The following MAP2 variants were observed in gnomAD, a reference collection of about 807,000 sequenced individuals.
MAP2 encodes the protein microtubule associated protein 2.
MAP2 carries 14 observed loss-of-function variants against 137.6 expected under a neutral mutation model. That is an observed-to-expected ratio of 0.10 (90% CI 0.07 to 0.16). MAP2 has a LOEUF of 0.16. Ranked by LOEUF, MAP2 falls within the 10% of genes least tolerant of loss-of-function variation. MAP2 has a pLI of 1.00. For synonymous variants in MAP2, 786 were observed against 782.3 expected (o/e 1.00, Z -0.08); for missense variants, 2,088 against 2,191.5 (o/e 0.95, Z 0.94).
chr2:209,719,606 A>G lies in MAP2; in HGVS notation c.5074-6103A>G, dbSNP rs188930163. On this transcript the variant is annotated intron_variant, in intron 13 of 15. Coordinates refer to ENST00000682079, the MANE Select transcript of MAP2 (RefSeq NM_001375505.1). ...CTGTTTTAGGGGAACAGGTTAATTT[A>G]TTGAAAGAAACAATTAAATATATGC... is the stretch of plus-strand genomic sequence containing the variant. Among the ~76,000 whole-genome samples the G allele has an allele frequency of 5.9e-5, 9 of 152,300 alleles. No homozygotes were observed. In the East Asian group the frequency reaches 1.7e-3, roughly 29 times the overall value.
At chr2:209,645,753 C>G (rs1292040456) in intron 4 of MAP2, among the ~76,000 whole-genome samples, 1 of 152,098 alleles carries the variant, frequency 6.6e-6, no homozygotes, top group Admixed American at 6.6e-5. Flanking sequence ...GATTTGATAA[C>G]TTTCACAATT....
chr2:209,639,254 A>C (rs1030304179), intron 4 of MAP2, among the ~76,000 whole-genome samples: 2 of 152,164 alleles, frequency 1.3e-5, no homozygotes, highest in African/African-American at 2.4e-5. Context: ...TAATAATGTC[A>C]ATACCCATCA....
chr2:209,430,408 G>A (rs1417181860), intron 1 of MAP2, among the ~76,000 whole-genome samples: 4 of 151,832 alleles, frequency 2.6e-5, no homozygotes, highest in Non-Finnish European at 5.9e-5. Context: ...TTCTAAGATA[G>A]AGTTAGACTT....
In MAP2 at chr2:209,649,170, C is replaced by A. The variant is rs1028851786; in HGVS notation, c.-29-3972C>A. 6.6e-5 allele frequency among the ~76,000 whole-genome samples: 10 copies of A among 150,894 alleles called. 1 individual carries two copies. Among genetic ancestry groups the A allele is most frequent in the Admixed American group, 2.6e-4 (4 of 15,192 alleles). Reference sequence around the variant, plus strand: ...CACCTCAGCCTCCTAAATAGCTGCACCCAGCTAATTAAAAAAAAATTTTTT... The same window carrying A: ...CACCTCAGCCTCCTAAATAGCTGCAACCAGCTAATTAAAAAAAAATTTTTT... On this transcript the variant is annotated intron_variant, in intron 4 of 15. Coordinates refer to ENST00000682079, the MANE Select transcript of MAP2 (RefSeq NM_001375505.1).
chr2:209,437,243 T>G (rs766045318), intron 1 of MAP2, among the ~76,000 whole-genome samples: 1 of 151,676 alleles, frequency 6.6e-6, no homozygotes, highest in Non-Finnish European at 1.5e-5. Context: ...CACAAATGTC[T>G]TTTAAACAGT....
At chr2:209,578,132 C>T (rs181949215) in intron 2 of MAP2, among the ~76,000 whole-genome samples, 1 of 152,124 alleles carries the variant, frequency 6.6e-6, no homozygotes, top group East Asian at 1.9e-4. Context: ...GGAAACGCTG[C>T]GGGTGCCTGG....
At chr2:209,591,576 T>A (rs2079262176) in intron 3 of MAP2, among the ~76,000 whole-genome samples, 1 of 152,194 alleles carries the variant, frequency 6.6e-6, no homozygotes, top group Non-Finnish European at 1.5e-5. Flanking sequence ...TAACACCTAC[T>A]TATGGTAAAC....
chr2:209,697,543 G>C (rs114616621), intron 10 of MAP2, among the ~76,000 whole-genome samples: 6,819 of 151,916 alleles, frequency 0.045, 201 homozygotes, highest in African/African-American at 0.085. Flanking sequence ...AGCAAGCCAG[G>C]AAGTGAAATT....
chr2:209,607,304 A>T (rs1250711310), intron 3 of MAP2, among the ~76,000 whole-genome samples: 2 of 152,238 alleles, frequency 1.3e-5, no homozygotes, highest in African/African-American at 2.4e-5. Flanking sequence ...CTGACTGCAG[A>T]CCAAGATGAA....
At chr2:209,583,147 G>GTTTA (rs1553604238) in intron 3 of MAP2, among the ~76,000 whole-genome samples, 2 of 147,152 alleles carry the variant, frequency 1.4e-5, no homozygotes. Context: ...CTGTCTGTCT[G>GTTTA]TCTATCTATC....
At chr2:209,502,674 A>C (rs1045135604) in intron 1 of MAP2, among the ~76,000 whole-genome samples, 2 of 152,114 alleles carry the variant, frequency 1.3e-5, no homozygotes, top group African/African-American at 4.8e-5. Flanking sequence ...ACTGTTTTCC[A>C]TACCGCTTGT....
At chr2:209,584,803 A>G (rs574573435) in intron 3 of MAP2, among the ~76,000 whole-genome samples, 2 of 152,276 alleles carry the variant, frequency 1.3e-5, no homozygotes, top group South Asian at 4.1e-4. Context: ...GTTCATATAC[A>G]GAGTAGAACA....
intron 1 of MAP2, among the ~76,000 whole-genome samples, chr2:209,426,258 A>C (rs1270665960): frequency 6.6e-6 from 1 of 152,146 alleles, no homozygotes; most frequent in Non-Finnish European, 1.5e-5. Flanking sequence ...ATAAGTAGAA[A>C]ATTGCTTAAC....
intron 11 of MAP2, among the ~76,000 whole-genome samples, chr2:209,702,517 A>C (rs1191975695): frequency 6.6e-6 from 1 of 151,340 alleles, no homozygotes; most frequent in African/African-American, 2.4e-5. Context: ...TTTTTTTTCT[A>C]TGGGTACATA....
At chr2:209,505,460 G>A (rs1187107308) in intron 1 of MAP2, among the ~76,000 whole-genome samples, 1 of 151,972 alleles carries the variant, frequency 6.6e-6, no homozygotes, top group African/African-American at 2.4e-5. Context: ...TTTTTTTATG[G>A]AAACAAGGTT....
At chr2:209,725,135 G>C (rs1584708110) in intron 13 of MAP2, among the ~76,000 whole-genome samples, 1 of 152,078 alleles carries the variant, frequency 6.6e-6, no homozygotes, top group Admixed American at 6.6e-5. Flanking sequence ...TATTGGGAGA[G>C]GAAATATTTT....
chr2:209,605,060 T>A (rs2084235413), intron 3 of MAP2, among the ~76,000 whole-genome samples: 1 of 152,152 alleles, frequency 6.6e-6, no homozygotes, highest in African/African-American at 2.4e-5. Context: ...AGTATATGCG[T>A]GTGTATGCAA....
At chr2:209,704,945 A>G (rs2062938964) in intron 11 of MAP2, among the ~76,000 whole-genome samples, 1 of 150,832 alleles carries the variant, frequency 6.6e-6, no homozygotes, top group Non-Finnish European at 1.5e-5. Context: ...ATAATATTGT[A>G]CAGTACAATA....
intron 2 of MAP2, among the ~76,000 whole-genome samples, chr2:209,556,722 A>G (rs1210960917): frequency 1.3e-5 from 2 of 151,872 alleles, no homozygotes; most frequent in East Asian, 1.9e-4. Context: ...GGAAGGAAAT[A>G]TCTTAACTAG....
Sources: gnomAD v4.1 joint callset for allele counts (sites outside exome capture counted in the v4.1 genomes callset) on GRCh38, gnomAD v4.1.1 for gene constraint, MANE v1.5 for transcripts, NCBI Gene and HGNC (gene_info 2026-07-23, HGNC 2026-07-21) for gene names.